The following WDR7 variants were observed in gnomAD, a reference collection of about 807,000 sequenced individuals.
WDR7 encodes the protein WD repeat domain 7, also known as WD repeat-containing protein 7.
A neutral mutation model predicts 169.4 loss-of-function variants in WDR7; 46 were observed. The ratio of observed to expected loss-of-function variants is 0.27; its 90% CI spans 0.21 to 0.35. WDR7 has a LOEUF of 0.35. WDR7 is among the 10% of genes least tolerant of loss of function. The probability of loss-of-function intolerance (pLI) is 1.00; values close to 1 mark genes in which losing one functional copy is unlikely to be tolerated. For missense variants in WDR7, 1,534 were observed against 1,859.3 expected (o/e 0.83, Z 3.22); for synonymous variants, 612 against 666.8 (o/e 0.92, Z 1.27).
intron 20 of WDR7, among the ~76,000 whole-genome samples, chr18:56,876,708 A>G (rs1693837322): frequency 1.3e-5 from 2 of 152,234 alleles, no homozygotes; most frequent in South Asian, 4.1e-4. Context: ...CGTGACTGGC[A>G]ATGTTAACCA....
rs776725332 is a variant in WDR7 at position 56,935,834 on chromosome 18, T to C, written c.3760T>C (p.Ser1254Pro). ...GAGCCCAGCAGCTGACTCGGCCCGC[T>C]CTGCGAGGCATGCCCTCTCGCTCAT... Reference protein sequence around the residue: ...PLSPAADSARSARHALSLIAT... With the variant: ...PLSPAADSARPARHALSLIAT... The change falls in exon 23 of 28, where the codon TCT becomes CCT. Residue 1254 changes from serine to proline, a missense_variant. By Grantham distance (74) the Ser-to-Pro change is moderately conservative. Coordinates refer to ENST00000254442, the MANE Select transcript of WDR7 (RefSeq NM_015285.3). 2 of 1,614,182 alleles carry C rather than the reference T, an allele frequency of 1.2e-6. No homozygotes were observed. Among genetic ancestry groups the C allele is most frequent in the Non-Finnish European group, 1.7e-6 (2 of 1,180,038 alleles).
intron 19 of WDR7, among the ~76,000 whole-genome samples, chr18:56,790,795 A>T (rs535323012): frequency 2.6e-4 from 40 of 152,278 alleles, no homozygotes; most frequent in African/African-American, 9.6e-4. Context: ...AAATGGTTTC[A>T]TCGTGCATGA....
intron 19 of WDR7, among the ~76,000 whole-genome samples, chr18:56,814,947 T>A (rs981551412): frequency 3.9e-5 from 6 of 152,178 alleles, no homozygotes; most frequent in Non-Finnish European, 5.9e-5. Flanking sequence ...TCCACAAGTT[T>A]AAATCCTTAG....
intron 20 of WDR7, among the ~76,000 whole-genome samples, chr18:56,863,539 T>A (rs921105046): frequency 2.0e-5 from 3 of 151,668 alleles, no homozygotes; most frequent in African/African-American, 7.2e-5. Flanking sequence ...TATTATAGAT[T>A]ATATATTTTT....
At chr18:56,696,786 G>A (rs1324090912) in intron 12 of WDR7, among the ~76,000 whole-genome samples, 1 of 152,120 alleles carries the variant, frequency 6.6e-6, no homozygotes, top group Non-Finnish European at 1.5e-5. Flanking sequence ...ATTTAAGTAT[G>A]CCTGAAGACA....
At chr18:57,032,591 A>G (rs980004837), downstream of WDR7, 15 of 152,014 alleles carry the variant, frequency 9.9e-5, no homozygotes, top group African/African-American at 2.9e-4. Flanking sequence ...GCCTCCTGTC[A>G]TATCAGCTGC....
chr18:56,972,846 TTGTTTTGTTTTGTTTTTTG>T (rs1230312997), intron 26 of WDR7, among the ~76,000 whole-genome samples: 5 of 152,112 alleles, frequency 3.3e-5, no homozygotes, highest in African/African-American at 4.8e-5. Flanking sequence ...TGGTTTTTTT[TTGTTTTGTTTTGTTTTTTG>T]TGTTTTGTTT....
chr18:56,892,213 T>G (rs1397792863), intron 21 of WDR7, among the ~76,000 whole-genome samples: 1 of 152,158 alleles, frequency 6.6e-6, no homozygotes, highest in Non-Finnish European at 1.5e-5. Flanking sequence ...TATAGACCTC[T>G]ATGAAATTAA....
chr18:56,779,947 G>C (rs1038678258), intron 18 of WDR7, among the ~76,000 whole-genome samples: 2 of 152,212 alleles, frequency 1.3e-5, no homozygotes, highest in African/African-American at 4.8e-5. Flanking sequence ...GAAAGGTAGT[G>C]TGTTATTGTA....
At chr18:56,835,682 TTGG>T (rs1375104756) in intron 20 of WDR7, among the ~76,000 whole-genome samples, 1 of 152,208 alleles carries the variant, frequency 6.6e-6, no homozygotes, top group Non-Finnish European at 1.5e-5. Flanking sequence ...CAAATATTTA[TTGG>T]TGGAGTATTT....
At chr18:56,654,273 A>G (rs1056070671) in intron 1 of WDR7, among the ~76,000 whole-genome samples, 12 of 152,088 alleles carry the variant, frequency 7.9e-5, no homozygotes, top group Admixed American at 5.2e-4. Context: ...CTGCAACTAC[A>G]GGCACGCGCC....
At chr18:56,701,840 G>T (rs1039727581) in intron 12 of WDR7, among the ~76,000 whole-genome samples, 1 of 152,184 alleles carries the variant, frequency 6.6e-6, no homozygotes, top group South Asian at 2.1e-4. Flanking sequence ...CAGCTTTTTG[G>T]TTCCCTTAAC....
chr18:56,804,127 G>A (rs2044725339), intron 19 of WDR7, among the ~76,000 whole-genome samples: 1 of 152,160 alleles, frequency 6.6e-6, no homozygotes, highest in Non-Finnish European at 1.5e-5. Context: ...ACATATCACT[G>A]TCTACTATCT....
At chr18:56,723,058 C>T (rs929801444) in intron 13 of WDR7, among the ~76,000 whole-genome samples, 1 of 152,118 alleles carries the variant, frequency 6.6e-6, no homozygotes, top group African/African-American at 2.4e-5. Context: ...TGGTACTTTC[C>T]TACCTTCTGT....
At chr18:56,848,218 A>G (rs2045593839) in intron 20 of WDR7, among the ~76,000 whole-genome samples, 1 of 152,210 alleles carries the variant, frequency 6.6e-6, no homozygotes, top group Non-Finnish European at 1.5e-5. Context: ...GAGCTTTAAG[A>G]TGTAATGACT....
At chr18:57,032,269 A>G (rs2145968229), downstream of WDR7, 1 of 152,342 alleles carries the variant, frequency 6.6e-6, no homozygotes, top group African/African-American at 2.4e-5. Flanking sequence ...ATATGCATCT[A>G]TCGAGATTGA....
intron 26 of WDR7, among the ~76,000 whole-genome samples, chr18:56,994,515 T>G (rs899833320): frequency 1.3e-5 from 2 of 152,228 alleles, no homozygotes; most frequent in Non-Finnish European, 2.9e-5. Flanking sequence ...AAAAAGAGTT[T>G]GTTCACATAA....
Position 56,872,502 on chromosome 18 carries a change from G to A in WDR7, c.3305-7442G>A, listed in dbSNP as rs541693174. 1.8e-4 allele frequency among the ~76,000 whole-genome samples: 28 copies of A among 152,182 alleles called. 1 individual carries two copies. The South Asian group carries it at 4.1e-3, about 23-fold the overall frequency. On this transcript the variant is annotated intron_variant, in intron 20 of 27. Coordinates refer to ENST00000254442, the MANE Select transcript of WDR7 (RefSeq NM_015285.3). ...TTATGCTAAATCTGAAGACAATTAC[G>A]TACATTTGAAGAACACTCTGTCAAG...
At chr18:56,992,203 A>G (rs2047828359) in intron 26 of WDR7, among the ~76,000 whole-genome samples, 1 of 152,252 alleles carries the variant, frequency 6.6e-6, no homozygotes, top group South Asian at 2.1e-4. Context: ...ATCAGTAGCA[A>G]AATGCATTAA....
Sources: gnomAD v4.1 joint callset for allele counts (sites outside exome capture counted in the v4.1 genomes callset) on GRCh38, gnomAD v4.1.1 for gene constraint, MANE v1.5 for transcripts, NCBI Gene and HGNC (gene_info 2026-07-23, HGNC 2026-07-21) for gene names.